CCDC88A: variants seen among roughly 807,000 people sequenced by gnomAD.
CCDC88A encodes girdin.
In CCDC88A, 54 loss-of-function variants were observed where a neutral mutation model predicts 234.3. The ratio of observed to expected loss-of-function variants is 0.23; its 90% CI spans 0.19 to 0.29. CCDC88A has a LOEUF of 0.29. Ranked by LOEUF, CCDC88A falls within the 10% of genes least tolerant of loss-of-function variation. The pLI is 1.00. For missense variants in CCDC88A, 1,832 were observed against 2,123.4 expected, an observed-to-expected ratio of 0.86 and a Z score of 2.70; for synonymous variants, 753 against 737.8, an observed-to-expected ratio of 1.02 and a Z score of -0.33.
chr2:55,385,852 C>CAAAAA (rs56233901), intron 3 of CCDC88A, among the ~76,000 whole-genome samples: 8 of 62,474 alleles, frequency 1.3e-4, no homozygotes, highest in East Asian at 4.6e-4. Context: ...AACTCCATGT[C>CAAAAA]AAAAAAAAAA....
chr2:55,381,591 GACTAT>G (rs1040237430), intron 3 of CCDC88A, among the ~76,000 whole-genome samples: 6 of 144,992 alleles, frequency 4.1e-5, no homozygotes, highest in Non-Finnish European at 9.0e-5. Context: ...TGACTATACA[GACTAT>G]ACATTACAAA....
chr2:55,310,285 A>C (rs913167696), intron 23 of CCDC88A, among the ~76,000 whole-genome samples: 2 of 152,198 alleles, frequency 1.3e-5, no homozygotes, highest in African/African-American at 4.8e-5. Flanking sequence ...GATATATCGG[A>C]AAGAGTGGAG....
intron 9 of CCDC88A, among the ~76,000 whole-genome samples, chr2:55,348,120 C>T (rs572039927): frequency 3.1e-4 from 47 of 152,042 alleles, no homozygotes; most frequent in Non-Finnish European, 5.9e-4. Flanking sequence ...TGCCCCATTA[C>T]GTGCAGCTAA....
Position 55,332,516 on chromosome 2 carries a change from A to C in CCDC88A, c.2855+50T>G, listed in dbSNP as rs1489453133. ...GTACAGAAAGAATTCATGTATGAGC[A>C]AAAAAAAAAAAAAATTTTCAACTGT... On this transcript the variant is annotated intron_variant, in intron 16 of 32. Coordinates refer to ENST00000436346, the MANE Select transcript of CCDC88A (RefSeq NM_001365480.1). The surrounding 1 kb of genome is among the most constrained non-coding windows in gnomAD (Gnocchi z 4.5). The C allele has an allele frequency of 3.5e-5, 6 of 171,556 alleles. No individual in the cohort carries two copies. Among genetic ancestry groups the C allele is most frequent in the Non-Finnish European group, 6.1e-5 (6 of 98,584 alleles). The allele number at this position is 171,556 out of a possible 1,614,324, so 10.6% of individuals were successfully genotyped here.
chr2:55,350,986 C>T (rs1669800244), intron 8 of CCDC88A, among the ~76,000 whole-genome samples: 1 of 152,154 alleles, frequency 6.6e-6, no homozygotes, highest in Admixed American at 6.5e-5. Context: ...AAAAATATTC[C>T]CTTTGCTAGA....
chr2:55,411,216 A>C (rs1680428439), intron 2 of CCDC88A, among the ~76,000 whole-genome samples: 1 of 152,190 alleles, frequency 6.6e-6, no homozygotes, highest in African/African-American at 2.4e-5. Context: ...ATGGATCCTA[A>C]AAGAAAGTCA....
chr2:55,407,569 C>A (rs1266374028), intron 2 of CCDC88A, among the ~76,000 whole-genome samples: 1 of 151,924 alleles, frequency 6.6e-6, no homozygotes, highest in South Asian at 2.1e-4. Flanking sequence ...CGCATCACTG[C>A]ACTCCAGCCT....
At chr2:55,343,614 G>A (rs757139779) in intron 12 of CCDC88A, 34 bp downstream of exon 12, 5 of 1,522,656 alleles carry the variant, frequency 3.3e-6, no homozygotes, top group South Asian at 1.2e-5. Flanking sequence ...TTCATGATTC[G>A]ATTATCTATT....
At chr2:55,391,749 A>C (rs924809581) in intron 2 of CCDC88A, among the ~76,000 whole-genome samples, 13 of 152,190 alleles carry the variant, frequency 8.5e-5, no homozygotes, top group Non-Finnish European at 1.9e-4. Flanking sequence ...GAAAAAGCTG[A>C]AATGAATGAA....
At chr2:55,387,291 T>G (rs935302473) in intron 3 of CCDC88A, among the ~76,000 whole-genome samples, 1 of 151,604 alleles carries the variant, frequency 6.6e-6, no homozygotes, top group Non-Finnish European at 1.5e-5. Context: ...CAAGAAAAGC[T>G]TAAAAGTCAT....
At chr2:55,330,617 GACTA>G (rs1393614161) in intron 16 of CCDC88A, among the ~76,000 whole-genome samples, 1 of 152,130 alleles carries the variant, frequency 6.6e-6, no homozygotes, top group African/African-American at 2.4e-5. Flanking sequence ...GTGACATAAA[GACTA>G]ACTTCCTGGC....
intron 29 of CCDC88A, chr2:55,297,276 T>TATA (rs1680161736): frequency 3.5e-5 from 1 of 28,272 alleles, no homozygotes; most frequent in African/African-American, 5.4e-5. Flanking sequence ...TTTATATATA[T>TATA]TATATATAAT....
intron 8 of CCDC88A, among the ~76,000 whole-genome samples, chr2:55,353,112 T>A (rs1360318834): frequency 6.6e-6 from 1 of 152,176 alleles, no homozygotes; most frequent in Non-Finnish European, 1.5e-5. Context: ...AAATATCCAT[T>A]TACATTTTCT....
intron 25 of CCDC88A, among the ~76,000 whole-genome samples, chr2:55,307,126 A>G (rs1274312858): frequency 2.0e-5 from 3 of 152,136 alleles, no homozygotes; most frequent in Admixed American, 6.5e-5. Flanking sequence ...TATCCTGTTC[A>G]CATATTTTGT....
chr2:55,355,851 A>G (rs1670503027), intron 7 of CCDC88A, 100 bp from the exon 8 acceptor site: 1 of 851,694 alleles, frequency 1.2e-6, no homozygotes. Context: ...GCCATATCAA[A>G]AACAATTCAC....
intron 3 of CCDC88A, among the ~76,000 whole-genome samples, chr2:55,380,061 T>TAAA (rs57314271): frequency 0.44 from 33,343 of 75,236 alleles, 9,322 homozygotes; most frequent in Non-Finnish European, 0.53. Flanking sequence ...CTGTCTCTAC[T>TAAA]AAAAAAAAAA....
chr2:55,362,217 G>C (rs1671415952), intron 7 of CCDC88A, 91 bp downstream of exon 7: 1 of 1,009,694 alleles, frequency 9.9e-7, no homozygotes, highest in Non-Finnish European at 1.4e-6. Context: ...CTGTCTCTAA[G>C]AAATAGTATC....
At chr2:55,418,958 T>C in intron 1 of CCDC88A, 42 bp from the exon 2 acceptor site, 1 of 1,595,048 alleles carries the variant, frequency 6.3e-7, no homozygotes, top group Non-Finnish European at 8.6e-7. Context: ...AACGCCCACC[T>C]CCATCTCTGC....
chr2:55,373,824 T>G (rs1673197280), intron 4 of CCDC88A, among the ~76,000 whole-genome samples: 1 of 152,194 alleles, frequency 6.6e-6, no homozygotes, highest in Non-Finnish European at 1.5e-5. Context: ...AGTTTTTATT[T>G]TGGTTTTGTT....
Sources: allele counts gnomAD v4.1 joint callset (sites outside exome capture counted in the v4.1 genomes callset), GRCh38; gene constraint gnomAD v4.1.1; non-coding constraint Gnocchi (gnomAD v3.1); transcripts MANE v1.5; gene names NCBI Gene and HGNC (gene_info 2026-07-23, HGNC 2026-07-21).